Variants in TTK observed in about 807,000 individuals in gnomAD.
TTK encodes the protein dual specificity protein kinase TTK.
Under a neutral mutation model 117.3 loss-of-function variants are expected in TTK, and 59 were observed. That is an observed-to-expected ratio of 0.50 (90% CI 0.41 to 0.62). TTK has a LOEUF of 0.62. TTK is among the 20% of genes least tolerant of loss of function. The probability of loss-of-function intolerance (pLI) is 0.00; values close to 1 mark genes in which losing one functional copy is unlikely to be tolerated. For synonymous variants in TTK, 302 were observed against 325.0 expected (o/e 0.93, Z 0.76); for missense variants, 921 against 989.4 (o/e 0.93, Z 0.93).
rs1486541220 is a variant in TTK at position 80,005,774 on chromosome 6, A to G, written c.-2-68A>G. ...ATGCTTTAGTCGTCTGGGTTCTAAA[A>G]AGCTAGTGCATTTTTTTCTTTGATG... On this transcript the variant is annotated intron_variant, in intron 1 of 21. Coordinates refer to ENST00000369798, the MANE Select transcript of TTK (RefSeq NM_003318.5). The G allele has an allele frequency of 3.8e-6, 6 of 1,565,304 alleles. No homozygotes were observed. The Admixed American group carries it at 1.2e-4, about 32-fold the overall frequency.
At chr6:80,040,734 T>A in intron 21 of TTK, 31 bp downstream of exon 21, 1 of 1,595,980 alleles carries the variant, frequency 6.3e-7, no homozygotes, top group African/African-American at 1.3e-5. Context: ...CATTAATTTT[T>A]ACTGTTTTAT....
At chr6:80,039,454 G>A (rs1767988870) in intron 18 of TTK, among the ~76,000 whole-genome samples, 1 of 151,550 alleles carries the variant, frequency 6.6e-6, no homozygotes, top group Non-Finnish European at 1.5e-5. Flanking sequence ...TTAATATTTT[G>A]TCTTAATTGC....
In TTK at chr6:80,034,967, C is replaced by T. The variant is rs778811321; in HGVS notation, c.1615-18C>T. On this transcript the variant is annotated intron_variant, in intron 14 of 21. Coordinates refer to ENST00000369798, the MANE Select transcript of TTK (RefSeq NM_003318.5). ...TATAAATAGTATATTCTAAACTTCT[C>T]TTTGTTCTACTCTGTAGGTATTTCA... 1 of 1,488,584 alleles carries T rather than the reference C, an allele frequency of 6.7e-7. No homozygotes were observed. Among genetic ancestry groups the T allele is most frequent in the Non-Finnish European group, 8.9e-7 (1 of 1,119,738 alleles). The allele number at this position is 1,488,584 out of a possible 1,614,324, so 92.2% of individuals were successfully genotyped here.
At chr6:80,040,794 C>G (rs530843710) in intron 21 of TTK, 91 bp downstream of exon 21, 2 of 1,134,580 alleles carry the variant, frequency 1.8e-6, no homozygotes, top group African/African-American at 1.6e-5. Flanking sequence ...AAAAGTTGGT[C>G]CAATCATCAG....
In TTK at chr6:80,022,454, C is replaced by T; in HGVS notation, c.1239C>T (p.Ala413=). 1.9e-6 allele frequency: 3 copies of T among 1,613,468 alleles called. No homozygotes were observed. Among genetic ancestry groups the T allele is most frequent in the Non-Finnish European group, 2.5e-6 (3 of 1,179,818 alleles). Residue 413 remains alanine (A), a synonymous_variant, in exon 11 of 22, where the codon GCC becomes GCT. Coordinates refer to ENST00000369798, the MANE Select transcript of TTK (RefSeq NM_003318.5). ...SSNHWQIPEL[A]RKVNTEQKHT... ...ATCACTGGCAGATTCCGGAGTTAGC[C>T]CGAAAAGTTAATACAGAGGTAACTT... is the stretch of plus-strand genomic sequence containing the variant.
Position 80,026,485 on chromosome 6 carries a change from C to A in TTK, c.1365C>A (p.Ser455Arg), listed in dbSNP as rs376931234. 4.1e-5 allele frequency: 66 copies of A among 1,613,858 alleles called. No homozygotes were observed. Among genetic ancestry groups the A allele is most frequent in the Middle Eastern group, 3.3e-4 (2 of 6,060 alleles). The change falls in exon 12 of 22, where the codon AGC becomes AGA. Residue 455 changes from serine to arginine, a missense_variant. By Grantham distance (110) the Ser-to-Arg change is moderately radical. Transcript: ENST00000369798. ...CAAAATCTATTTGTAAGACACCAAG[C>A]AGCAATACCTTGGATGATTACATGA... Reference protein sequence around the residue: ...FDPKSICKTPSSNTLDDYMSC... With the variant: ...FDPKSICKTPRSNTLDDYMSC...
intron 5 of TTK, 40 bp downstream of exon 5, chr6:80,010,997 G>T: frequency 6.4e-7 from 1 of 1,555,008 alleles, no homozygotes; most frequent in Non-Finnish European, 8.7e-7. Context: ...GTGGTAGGTA[G>T]TACTTCAAAT....
intron 17 of TTK, 48 bp downstream of exon 17, chr6:80,036,647 TA>T: frequency 1.3e-6 from 2 of 1,543,742 alleles, no homozygotes; most frequent in African/African-American, 2.8e-5. Context: ...ATTCTTTTTT[TA>T]CCTGTGAAGT....
rs763018821 is a variant in TTK, at chr6:80,040,199, T to G, written c.2311T>G (p.Cys771Gly). 1.3e-6 allele frequency: 2 copies of G among 1,579,428 alleles called. No individual in the cohort carries two copies. The highest frequency in any genetic ancestry group is 2.7e-5 in the African/African-American group (2 of 73,258). Reference sequence around the variant, plus strand: ...TAAAATATCTTTGTTTTAATAGTGTTGTTTAAAAAGGGACCCAAAACAGAG... The same window carrying G: ...TAAAATATCTTTGTTTTAATAGTGTGGTTTAAAAAGGGACCCAAAACAGAG... ...EKDLQDVLKC[C>G]LKRDPKQRIS... The change falls in exon 20 of 22, where the codon TGT becomes GGT. Residue 771 changes from cysteine (C) to glycine (G), a missense_variant. Cys to Gly is a radical substitution (Grantham distance 159). Transcript: ENST00000369798.
At chr6:80,012,036 G>A in intron 8 of TTK, 56 bp downstream of exon 8, 4 of 1,427,402 alleles carry the variant, frequency 2.8e-6, no homozygotes, top group Non-Finnish European at 3.8e-6. Context: ...ATTAATGGCA[G>A]AATGGTCTTA....
chr6:80,011,019 A>G (rs1767132299), intron 5 of TTK, 62 bp downstream of exon 5: 14 of 1,473,044 alleles, frequency 9.5e-6, no homozygotes, highest in Non-Finnish European at 1.1e-5. Context: ...AAGATTCGGG[A>G]TAATAATTTA....
chr6:80,008,699 C>T (rs1767061484), intron 4 of TTK, among the ~76,000 whole-genome samples: 1 of 151,850 alleles, frequency 6.6e-6, no homozygotes, highest in Non-Finnish European at 1.5e-5. Flanking sequence ...AAGAGTAATC[C>T]AGGGAAATGA....
chr6:80,021,547 G>C (rs1767458793), intron 10 of TTK, among the ~76,000 whole-genome samples: 1 of 152,204 alleles, frequency 6.6e-6, no homozygotes, highest in South Asian at 2.1e-4. Flanking sequence ...CTAGCAGCTG[G>C]GGACTGGCCA....
rs1309864405 is a variant in TTK, at chr6:80,031,448, A to G, written c.1522-19A>G. ...TAGGTATATTGATTAACTTTTATTT[A>G]TATATTTTACTTATTTAGGTTTTAG... On this transcript the variant is annotated intron_variant, in intron 13 of 21. Coordinates refer to ENST00000369798, the MANE Select transcript of TTK (RefSeq NM_003318.5). 7.0e-7 allele frequency: 1 copy of G among 1,426,132 alleles called. No homozygotes were observed. Among genetic ancestry groups the G allele is most frequent in the Middle Eastern group, 2.5e-4 (1 of 4,024 alleles). The allele number at this position is 1,426,132 out of a possible 1,614,324, so 88.3% of individuals were successfully genotyped here. A position where few individuals can be genotyped will look rare whatever the true frequency, so the allele number is the denominator to read the frequency against.
rs1767247736 is a variant in TTK at position 80,014,376 on chromosome 6, T to C, written c.985-87T>C. On this transcript the variant is annotated intron_variant, in intron 9 of 21. Coordinates refer to ENST00000369798, the MANE Select transcript of TTK (RefSeq NM_003318.5). ...GAAAATTTTATGAGCAATCCATGTA[T>C]AGATAAGACTTTAGTATATTGAACA... is the stretch of plus-strand genomic sequence containing the variant. The C allele has an allele frequency of 3.3e-6, 4 of 1,228,420 alleles. No homozygotes were observed. The South Asian group carries it at 8.7e-5, about 27-fold the overall frequency. The allele number at this position is 1,228,420 out of a possible 1,614,324, so 76.1% of individuals were successfully genotyped here. A position where few individuals can be genotyped will look rare whatever the true frequency, so the allele number is the denominator to read the frequency against.
At position 80,039,834 on chromosome 6, in the gene TTK, C is replaced by T. The variant is rs200382179; in HGVS notation, c.2269C>T (p.Pro757Ser). 202 of 1,582,586 alleles carry T rather than the reference C, an allele frequency of 1.3e-4. 3 individuals carry two copies. The South Asian group carries it at 1.4e-3, about 11-fold the overall frequency. Reference protein sequence around the residue: ...IIDPNHEIEFPDIPEKDLQDV... With the variant: ...IIDPNHEIEFSDIPEKDLQDV... ...TGATCCTAATCATGAAATTGAATTT[C>T]CCGATATTCCAGAGAAAGATCTTCA... Residue 757 changes from proline to serine, a missense_variant, in exon 19 of 22, where the codon CCC becomes TCC. By Grantham distance (74) the Pro-to-Ser change is moderately conservative (BLOSUM62 -1). Transcript: ENST00000369798.
At chr6:80,017,645 A>T (rs762548407) in intron 10 of TTK, among the ~76,000 whole-genome samples, 1 of 152,168 alleles carries the variant, frequency 6.6e-6, no homozygotes, top group Non-Finnish European at 1.5e-5. Context: ...ACTTTGTTGA[A>T]AATTCACGAC....
chr6:80,016,409 G>C (rs1156506972), intron 10 of TTK, among the ~76,000 whole-genome samples: 4 of 152,024 alleles, frequency 2.6e-5, no homozygotes, highest in Non-Finnish European at 5.9e-5. Context: ...GCTATCTAGT[G>C]GTATCTACCT....
At chr6:80,007,664 C>A (rs745902025) in intron 2 of TTK, 145 bp from the exon 3 acceptor site, 6 of 543,696 alleles carry the variant, frequency 1.1e-5, no homozygotes, top group Non-Finnish European at 1.5e-5. Flanking sequence ...TTTATATGAA[C>A]TTTTACAATT....
Sources: gnomAD v4.1 joint callset for allele counts (sites outside exome capture counted in the v4.1 genomes callset) on GRCh38, gnomAD v4.1.1 for gene constraint, MANE v1.5 for transcripts, NCBI Gene and HGNC (gene_info 2026-07-23, HGNC 2026-07-21) for gene names.